The following MBD5 variants were observed in gnomAD, a reference collection of about 807,000 sequenced individuals.
The protein encoded by MBD5 is methyl-CpG binding domain protein 5, also known as methyl-CpG-binding domain protein 5.
A neutral mutation model predicts 117.3 loss-of-function variants in MBD5; 13 were observed. The ratio of observed to expected loss-of-function variants is 0.11; its 90% confidence interval spans 0.07 to 0.18. The LOEUF (loss-of-function observed/expected upper bound fraction) is 0.18, where lower values mean the gene tolerates loss of function less well. Among genes scored for constraint, MBD5 ranks in the 10% least tolerant of loss-of-function variants. MBD5 has a pLI of 1.00. For synonymous variants in MBD5, 727 were observed against 766.4 expected (o/e 0.95, Z 0.85); for missense variants, 1,879 against 2,093.8 (o/e 0.90, Z 2.00).
Position 148,469,380 on chromosome 2 carries a change from C to T in MBD5, c.1437C>T (p.Pro479=), listed in dbSNP as rs1680711116. Residue 479 remains proline, a synonymous_variant, in exon 8 of 14, where the codon CCC becomes CCT. Coordinates refer to ENST00000642680, the MANE Select transcript of MBD5 (RefSeq NM_001378120.1). ...HGNFMMPPVG[P]QATSSGIKVP... is the part of the protein sequence containing the mutation. Reference sequence around the variant, plus strand: ...ATTTCATGATGCCACCTGTAGGACCCCAGGCCACTTCTAGTGGTATTAAGG... The same window carrying T: ...ATTTCATGATGCCACCTGTAGGACCTCAGGCCACTTCTAGTGGTATTAAGG... 2 of 1,613,578 alleles carry T rather than the reference C, an allele frequency of 1.2e-6. No homozygotes were observed. Among genetic ancestry groups the T allele is most frequent in the African/African-American group, 1.3e-5 (1 of 74,906 alleles).
chr2:148,504,772 G>C (rs974298236), intron 12 of MBD5, among the ~76,000 whole-genome samples: 4 of 152,170 alleles, frequency 2.6e-5, no homozygotes, highest in Non-Finnish European at 4.4e-5. Context: ...GACGAAGATG[G>C]GGTGGGATAG....
intron 1 of MBD5, among the ~76,000 whole-genome samples, chr2:148,119,024 C>T (rs1333082924): frequency 6.6e-6 from 1 of 151,896 alleles, no homozygotes; most frequent in Non-Finnish European, 1.5e-5. Context: ...TATGTTTTCA[C>T]TTCTCTCAGG....
intron 2 of MBD5, among the ~76,000 whole-genome samples, chr2:148,216,444 A>G (rs888929384): frequency 2.6e-5 from 4 of 152,178 alleles, no homozygotes; most frequent in African/African-American, 7.2e-5. Context: ...TCAAGACAAA[A>G]AACTTTTTTT....
chr2:148,164,788 G>A (rs927213921), intron 1 of MBD5, among the ~76,000 whole-genome samples: 2 of 152,108 alleles, frequency 1.3e-5, no homozygotes, highest in Admixed American at 6.5e-5. Flanking sequence ...CTGGGTAAAT[G>A]ATAAGAAAAG....
intron 1 of MBD5, among the ~76,000 whole-genome samples, chr2:148,120,605 T>C (rs1455374960): frequency 6.6e-6 from 1 of 152,206 alleles, no homozygotes; most frequent in East Asian, 1.9e-4. Context: ...TGTGTTGACA[T>C]ATTGTTAACT....
At chr2:148,337,779 G>A (rs1702836825) in intron 3 of MBD5, among the ~76,000 whole-genome samples, 1 of 152,104 alleles carries the variant, frequency 6.6e-6, no homozygotes, top group Non-Finnish European at 1.5e-5. Flanking sequence ...ATAAAAAGTA[G>A]CTTTATTGGC....
chr2:148,064,558 G>A (rs117060233), intron 1 of MBD5, among the ~76,000 whole-genome samples: 1 of 151,974 alleles, frequency 6.6e-6, no homozygotes, highest in Non-Finnish European at 1.5e-5. Flanking sequence ...CTCTAATTTG[G>A]CTGCTAGATA....
chr2:148,219,620 G>A (rs2382215), intron 2 of MBD5, among the ~76,000 whole-genome samples: 36,883 of 151,846 alleles, frequency 0.24, 4,672 homozygotes, highest in Admixed American at 0.3. Flanking sequence ...TCCAATAAAC[G>A]TTTGCTATTA....
chr2:148,320,544 T>C (rs1702259676), intron 3 of MBD5, among the ~76,000 whole-genome samples: 2 of 152,054 alleles, frequency 1.3e-5, no homozygotes, highest in African/African-American at 2.4e-5. Flanking sequence ...TTTGTAGAGA[T>C]AGAGTTTCAC....
chr2:148,060,162 A>AAAAAAAAAAAAAAAAAG (rs1694990271), intron 1 of MBD5, among the ~76,000 whole-genome samples: 1 of 134,630 alleles, frequency 7.4e-6, no homozygotes, highest in African/African-American at 2.7e-5. Context: ...AAAAAAAAAA[A>AAAAAAAAAAAAAAAAAG]GCCAGGCATG....
At chr2:148,270,842 A>G (rs2106340776) in intron 3 of MBD5, among the ~76,000 whole-genome samples, 1 of 151,756 alleles carries the variant, frequency 6.6e-6, no homozygotes, top group South Asian at 2.1e-4. Context: ...CTCTTCCTCT[A>G]CTGCTCTTTA....
chr2:148,321,227 T>C (rs1403139652), intron 3 of MBD5, among the ~76,000 whole-genome samples: 1 of 152,172 alleles, frequency 6.6e-6, no homozygotes, highest in African/African-American at 2.4e-5. Context: ...CCAATCTCTT[T>C]GGCTTCCCTG....
Position 148,486,036 on chromosome 2 carries a change from T to C in MBD5, c.3753+86T>C, listed in dbSNP as rs538059305. ...AATTTGGGGGAAAGGGTGAAAAAAGTAGGTTACGTGCCCTTTCACCTCTAT... is the reference window on the plus strand; with the variant it reads ...AATTTGGGGGAAAGGGTGAAAAAAGCAGGTTACGTGCCCTTTCACCTCTAT... On this transcript the variant is annotated intron_variant, in intron 10 of 13. Coordinates refer to ENST00000642680, the MANE Select transcript of MBD5 (RefSeq NM_001378120.1). The C allele has an allele frequency of 6.8e-5, 87 of 1,277,554 alleles. 1 individual carries two copies. The highest frequency in any genetic ancestry group is 9.3e-5 in the Non-Finnish European group (81 of 874,700). 79.1% of individuals were successfully genotyped at this position (1,277,554 alleles called of 1,614,324 possible). A position where few individuals can be genotyped will look rare whatever the true frequency, so the allele number is the denominator to read the frequency against.
chr2:148,255,525 C>T (rs1259089573), intron 3 of MBD5, among the ~76,000 whole-genome samples: 2 of 152,194 alleles, frequency 1.3e-5, no homozygotes, highest in African/African-American at 2.4e-5. Flanking sequence ...TCCATGGCCA[C>T]AACCAGGTTT....
At chr2:148,103,906 G>A (rs1327002127) in intron 1 of MBD5, among the ~76,000 whole-genome samples, 1 of 152,020 alleles carries the variant, frequency 6.6e-6, no homozygotes, top group African/African-American at 2.4e-5. Context: ...CTACTCCTTA[G>A]GAAATAATTT....
intron 1 of MBD5, among the ~76,000 whole-genome samples, chr2:148,039,089 T>C (rs1694284100): frequency 6.6e-6 from 1 of 152,096 alleles, no homozygotes; most frequent in Non-Finnish European, 1.5e-5. Flanking sequence ...TGAAAACAAG[T>C]ATTCTGCTTT....
chr2:148,491,731 CT>C (rs112852530), intron 11 of MBD5, among the ~76,000 whole-genome samples: 14,501 of 151,962 alleles, frequency 0.095, 867 homozygotes, highest in East Asian at 0.17. Flanking sequence ...TTCCATACCC[CT>C]ATTCACAAAA....
At chr2:148,204,732 A>G (rs1699233771) in intron 2 of MBD5, among the ~76,000 whole-genome samples, 1 of 152,226 alleles carries the variant, frequency 6.6e-6, no homozygotes, top group African/African-American at 2.4e-5. Flanking sequence ...CTTCAAGTTT[A>G]AATACTAAAG....
intron 1 of MBD5, among the ~76,000 whole-genome samples, chr2:148,174,683 C>A (rs75954794): frequency 2.6e-3 from 388 of 151,798 alleles, no homozygotes; most frequent in African/African-American, 8.8e-3. Context: ...AAAAGTCCAA[C>A]TGATACAAGA....
Sources: allele counts gnomAD v4.1 joint callset (sites outside exome capture counted in the v4.1 genomes callset), GRCh38; gene constraint gnomAD v4.1.1; transcripts MANE v1.5; gene names NCBI Gene and HGNC (gene_info 2026-07-23, HGNC 2026-07-21).